Variants in TMEFF2 observed in about 807,000 individuals in gnomAD.
TMEFF2 encodes transmembrane protein with EGF like and two follistatin like domains 2, also known as tomoregulin-2.
In TMEFF2, 28 loss-of-function variants were observed where a neutral mutation model predicts 53.8. The observed-to-expected ratio is 0.52, with a 90% CI of 0.39 to 0.71. TMEFF2 has a LOEUF of 0.71. TMEFF2 is among the 30% of genes least tolerant of loss of function. The pLI, the probability that TMEFF2 is intolerant of heterozygous loss-of-function variation, is 0.00. For synonymous variants in TMEFF2, 162 were observed against 166.3 expected (o/e 0.97, Z 0.20); for missense variants, 353 against 455.2 (o/e 0.78, Z 2.04).
chr2:191,975,577 T>C (rs1685699229), intron 7 of TMEFF2, among the ~76,000 whole-genome samples: 1 of 151,958 alleles, frequency 6.6e-6, no homozygotes, highest in Non-Finnish European at 1.5e-5. Flanking sequence ...ATGGGCTAAT[T>C]GCCTTTGGAG....
At chr2:191,998,777 C>A (rs1686285166) in intron 6 of TMEFF2, among the ~76,000 whole-genome samples, 1 of 151,764 alleles carries the variant, frequency 6.6e-6, no homozygotes, top group African/African-American at 2.4e-5. Context: ...TTTCTTTTTT[C>A]CCTTTGCAAG....
chr2:192,178,187 T>C (rs959559406), intron 4 of TMEFF2: 1 of 151,082 alleles, frequency 6.6e-6, no homozygotes, highest in Non-Finnish European at 1.5e-5. Flanking sequence ...CTAGAAAATA[T>C]ACAGAATTTT....
At chr2:192,062,891 T>C (rs962477031) in intron 4 of TMEFF2, among the ~76,000 whole-genome samples, 2 of 151,990 alleles carry the variant, frequency 1.3e-5, no homozygotes, top group Admixed American at 6.6e-5. Flanking sequence ...TGCTATTTTA[T>C]GAGAGTTTGT....
At chr2:192,024,964 C>T (rs540720440) in intron 5 of TMEFF2, among the ~76,000 whole-genome samples, 2 of 152,114 alleles carry the variant, frequency 1.3e-5, no homozygotes, top group Non-Finnish European at 2.9e-5. Flanking sequence ...AGAAAATTAA[C>T]GAAAAGCAGA....
intron 7 of TMEFF2, among the ~76,000 whole-genome samples, chr2:191,997,656 TAG>T (rs1193285749): frequency 5.9e-5 from 9 of 151,662 alleles, no homozygotes; most frequent in Non-Finnish European, 1.3e-4. Context: ...TTAGATTAGC[TAG>T]AGACATTCTT....
intron 1 of TMEFF2, among the ~76,000 whole-genome samples, chr2:192,193,581 T>C (rs1360627220): frequency 1.3e-5 from 2 of 152,126 alleles, no homozygotes; most frequent in Non-Finnish European, 2.9e-5. Flanking sequence ...ACATGGAGCC[T>C]GACCAGCCTC....
intron 2 of TMEFF2, among the ~76,000 whole-genome samples, chr2:192,188,881 ATCTG>A (rs779612568): frequency 1.5e-3 from 215 of 139,200 alleles, no homozygotes; most frequent in Non-Finnish European, 2.8e-3. Context: ...CTATCTATCT[ATCTG>A]TCCATCTACT....
intron 4 of TMEFF2, among the ~76,000 whole-genome samples, chr2:192,128,187 C>T (rs961756889): frequency 1.3e-5 from 2 of 152,152 alleles, no homozygotes; most frequent in Non-Finnish European, 2.9e-5. Flanking sequence ...ATAAAGCCTA[C>T]AATTTTCAAG....
intron 2 of TMEFF2, among the ~76,000 whole-genome samples, chr2:192,190,828 T>C (rs1345641267): frequency 6.6e-6 from 1 of 152,172 alleles, no homozygotes; most frequent in Non-Finnish European, 1.5e-5. Context: ...TTCTAAATAT[T>C]ACTTATTAAC....
At chr2:192,179,419 TACAAACAA>T (rs530393562) in intron 4 of TMEFF2, 41 of 395,124 alleles carry the variant, frequency 1.0e-4, no homozygotes, top group Middle Eastern at 1.3e-3. Context: ...AAAGATAACT[TACAAACAA>T]ACAAACAAAC....
chr2:192,039,421 T>G (rs987893403), intron 5 of TMEFF2, among the ~76,000 whole-genome samples: 13 of 152,194 alleles, frequency 8.5e-5, no homozygotes, highest in African/African-American at 2.9e-4. Flanking sequence ...TTCTCTTTGC[T>G]TCTCATTTGT....
chr2:192,175,346 C>A (rs1326404718), intron 4 of TMEFF2, among the ~76,000 whole-genome samples: 1 of 151,558 alleles, frequency 6.6e-6, no homozygotes, highest in Non-Finnish European at 1.5e-5. Context: ...GCCATGTAAA[C>A]CTTTCTTGTT....
intron 5 of TMEFF2, among the ~76,000 whole-genome samples, chr2:192,019,727 A>G (rs56293021): frequency 0.062 from 9,446 of 152,008 alleles, 429 homozygotes; most frequent in African/African-American, 0.12. Context: ...ACTAAGAATA[A>G]AGGGCATTGA....
At chr2:191,952,046 A>G (rs898735034) in intron 9 of TMEFF2, among the ~76,000 whole-genome samples, 1 of 152,194 alleles carries the variant, frequency 6.6e-6, no homozygotes, top group African/African-American at 2.4e-5. Context: ...CCACCTGGAC[A>G]CCATTGCTGC....
intron 5 of TMEFF2, among the ~76,000 whole-genome samples, chr2:192,017,884 G>A (rs1478251519): frequency 1.3e-5 from 2 of 152,136 alleles, no homozygotes; most frequent in African/African-American, 4.8e-5. Context: ...GCTTCTACTT[G>A]AGTTGACCCT....
chr2:192,174,021 C>A (rs1354316628), intron 4 of TMEFF2, among the ~76,000 whole-genome samples: 1 of 151,748 alleles, frequency 6.6e-6, no homozygotes, highest in Non-Finnish European at 1.5e-5. Context: ...ATACATATTA[C>A]TGTTTCACTG....
chr2:191,956,816 C>T (rs1321005924), intron 7 of TMEFF2, among the ~76,000 whole-genome samples: 1 of 152,172 alleles, frequency 6.6e-6, no homozygotes, highest in Non-Finnish European at 1.5e-5. Context: ...TAAAATATGG[C>T]CGTGTTCAAT....
In TMEFF2 at chr2:191,952,883, T is replaced by C. The variant is rs565344872; in HGVS notation, c.1028+796A>G. Among the ~76,000 whole-genome samples the C allele has an allele frequency of 4.6e-5, 7 of 152,370 alleles. No individual in the cohort carries two copies. The South Asian group carries it at 1.4e-3, about 32-fold the overall frequency. On this transcript the variant is annotated intron_variant, in intron 9 of 9. Transcript: ENST00000272771. ...CGCCTTGTGAATTTGGTGAAAATCTTAAAAACTTCCTTGGAACTTTTTATA... is the reference window on the plus strand; with the variant it reads ...CGCCTTGTGAATTTGGTGAAAATCTCAAAAACTTCCTTGGAACTTTTTATA...
At chr2:192,106,024 T>G (rs2105949372) in intron 4 of TMEFF2, among the ~76,000 whole-genome samples, 1 of 151,960 alleles carries the variant, frequency 6.6e-6, no homozygotes, top group South Asian at 2.1e-4. Context: ...GGAAGAACAC[T>G]TGCATTTTTA....
Sources: gnomAD v4.1 joint callset for allele counts (sites outside exome capture counted in the v4.1 genomes callset) on GRCh38, gnomAD v4.1.1 for gene constraint, MANE v1.5 for transcripts, NCBI Gene and HGNC (gene_info 2026-07-23, HGNC 2026-07-21) for gene names.